The following FTCDNL1 variants were observed in gnomAD, a reference collection of about 807,000 sequenced individuals.
FTCDNL1 encodes formiminotransferase cyclodeaminase N-terminal like.
A neutral mutation model predicts 5.9 loss-of-function variants in FTCDNL1; 11 were observed. That is an observed-to-expected ratio of 1.87 (90% CI 1.18 to 3.10). The LOEUF is 3.10. FTCDNL1 is among the 30% of genes most tolerant of loss of function. The pLI, the probability that FTCDNL1 is intolerant of heterozygous loss-of-function variation, is 0.00. For missense variants in FTCDNL1, 115 were observed against 65.5 expected, an observed-to-expected ratio of 1.76 and a Z score of -2.61; for synonymous variants, 58 against 24.8, an observed-to-expected ratio of 2.34 and a Z score of -3.99.
intron 3 of FTCDNL1, among the ~76,000 whole-genome samples, chr2:199,784,991 A>G (rs1359384062): frequency 6.6e-6 from 1 of 152,212 alleles, no homozygotes; most frequent in Non-Finnish European, 1.5e-5. Context: ...TTGAACAAAA[A>G]TAGTAACAGT....
intron 3 of FTCDNL1, among the ~76,000 whole-genome samples, chr2:199,838,712 T>C (rs1466753715): frequency 6.6e-6 from 1 of 151,646 alleles, no homozygotes; most frequent in Non-Finnish European, 1.5e-5. Context: ...TCAGAGCCCA[T>C]CCCTGATCCA....
the FTCDNL1 span, among the ~76,000 whole-genome samples, chr2:199,742,720 A>G: frequency 6.6e-6 from 1 of 152,238 alleles, no homozygotes; most frequent in African/African-American, 2.4e-5. Flanking sequence ...GCTCAAGGTT[A>G]CACAACAGGT....
rs1165484208 is a variant in FTCDNL1 at position 199,780,134 on chromosome 2, A to G, written c.212-19299T>C. On this transcript the variant is annotated intron_variant, in intron 3 of 3. Coordinates refer to the FTCDNL1 transcript ENST00000416668. ...TGTCGAGTGAAGGAAGCAGGACTGGACAGAGAAACTGAACTAGGATGCAGC... is the reference window on the plus strand; with the variant it reads ...TGTCGAGTGAAGGAAGCAGGACTGGGCAGAGAAACTGAACTAGGATGCAGC... Among the ~76,000 whole-genome samples, 5 of 152,194 alleles carry G rather than the reference A, an allele frequency of 3.3e-5. No individual in the cohort carries two copies. The South Asian group carries it at 1.0e-3, about 31-fold the overall frequency.
At chr2:199,814,292 C>A (rs1701218932) in intron 4 of FTCDNL1, among the ~76,000 whole-genome samples, 1 of 152,126 alleles carries the variant, frequency 6.6e-6, no homozygotes, top group South Asian at 2.1e-4. Flanking sequence ...GACTTGTCTC[C>A]GTGTGGCTGA....
chr2:199,677,606 A>C, the FTCDNL1 span, among the ~76,000 whole-genome samples: 1 of 152,328 alleles, frequency 6.6e-6, no homozygotes, highest in Non-Finnish European at 1.5e-5. Context: ...CCATGTTATG[A>C]TAAATAAATG....
chr2:199,711,172 C>T, the FTCDNL1 span, among the ~76,000 whole-genome samples: 2 of 151,908 alleles, frequency 1.3e-5, no homozygotes, highest in Non-Finnish European at 2.9e-5. Flanking sequence ...CCAGACTGAG[C>T]GAGGTATGGG....
chr2:199,759,089 G>A (rs1199183354), downstream of FTCDNL1, among the ~76,000 whole-genome samples: 1 of 151,884 alleles, frequency 6.6e-6, no homozygotes, highest in Non-Finnish European at 1.5e-5. Flanking sequence ...ATGTAAATCT[G>A]TGTATGTGTG....
chr2:199,823,259 T>G (rs1701807426), intron 3 of FTCDNL1, among the ~76,000 whole-genome samples: 1 of 152,184 alleles, frequency 6.6e-6, no homozygotes, highest in African/African-American at 2.4e-5. Flanking sequence ...CTTCCTCCAC[T>G]AAAGTCTTAA....
At chr2:199,702,979 T>C in the FTCDNL1 span, among the ~76,000 whole-genome samples, 7 of 152,140 alleles carry the variant, frequency 4.6e-5, no homozygotes, top group African/African-American at 1.4e-4. Flanking sequence ...AGCCAGATTA[T>C]GTAAGGCCCT....
the FTCDNL1 span, among the ~76,000 whole-genome samples, chr2:199,754,208 C>G: frequency 6.6e-6 from 1 of 152,132 alleles, no homozygotes; most frequent in African/African-American, 2.4e-5. Context: ...ACTCGGACAC[C>G]CAGAACACAG....
the FTCDNL1 span, among the ~76,000 whole-genome samples, chr2:199,705,287 C>G: frequency 6.6e-6 from 1 of 152,086 alleles, no homozygotes; most frequent in South Asian, 2.1e-4. Flanking sequence ...GGAACCTTAC[C>G]CCCAGGAGGT....
chr2:199,667,407 T>C, the FTCDNL1 span, among the ~76,000 whole-genome samples: 1 of 151,926 alleles, frequency 6.6e-6, no homozygotes, highest in Non-Finnish European at 1.5e-5. Context: ...GAGGCCAAGA[T>C]GGGAGGCTCG....
chr2:199,838,243 A>T (rs763989549), intron 3 of FTCDNL1, among the ~76,000 whole-genome samples: 8 of 152,198 alleles, frequency 5.3e-5, no homozygotes, highest in Non-Finnish European at 1.0e-4. Context: ...AAATATCTTC[A>T]ATACTGAGTA....
the FTCDNL1 span, among the ~76,000 whole-genome samples, chr2:199,751,344 G>A: frequency 0.011 from 1,690 of 152,234 alleles, 32 homozygotes; most frequent in African/African-American, 0.037. Flanking sequence ...CCAGGGACAC[G>A]GGAACACCAG....
intron 3 of FTCDNL1, among the ~76,000 whole-genome samples, chr2:199,774,974 T>C (rs942557936): frequency 6.6e-6 from 1 of 152,174 alleles, no homozygotes; most frequent in African/African-American, 2.4e-5. Flanking sequence ...AACCCTGAGA[T>C]ATTTAAGTGC....
rs960483613 is a variant in FTCDNL1, at chr2:199,810,700, G to A, written c.*2005C>T. ...GGTTAAATTAGCATTGGTATAAAAA[G>A]CTTACATTTGCAGTTTCCTCATTTT... On this transcript the variant is annotated 3_prime_UTR_variant, in exon 5 of 5. Transcript: ENST00000420128. Among the ~76,000 whole-genome samples the A allele has an allele frequency of 6.6e-6, 1 of 152,162 alleles. No individual in the cohort carries two copies. The highest frequency in any genetic ancestry group is 1.5e-5 in the Non-Finnish European group (1 of 68,028).
chr2:199,765,024 G>A (rs1298050592), intron 3 of FTCDNL1, among the ~76,000 whole-genome samples: 1 of 152,122 alleles, frequency 6.6e-6, no homozygotes, highest in Non-Finnish European at 1.5e-5. Flanking sequence ...GAGTATGTGG[G>A]CCTTCTTTCG....
chr2:199,737,478 T>C, the FTCDNL1 span, among the ~76,000 whole-genome samples: 1 of 152,218 alleles, frequency 6.6e-6, no homozygotes, highest in Admixed American at 6.5e-5. Context: ...TCCAGAGTTC[T>C]CCAAATACTC....
At chr2:199,753,340 C>G in the FTCDNL1 span, among the ~76,000 whole-genome samples, 6,845 of 152,176 alleles carry the variant, frequency 0.045, 195 homozygotes, top group Admixed American at 0.078. Flanking sequence ...GCAGGAAGAT[C>G]GAGAGGAGGT....
Sources: gnomAD v4.1 joint callset for allele counts (sites outside exome capture counted in the v4.1 genomes callset) on GRCh38, gnomAD v4.1.1 for gene constraint, MANE v1.5 for transcripts, NCBI Gene and HGNC (gene_info 2026-07-23, HGNC 2026-07-21) for gene names.